The following ATXN10 variants were observed in gnomAD, a reference collection of about 807,000 sequenced individuals.
ATXN10 encodes the protein ataxin-10.
ATXN10 carries 28 observed loss-of-function variants against 52.9 expected under a neutral mutation model. The observed-to-expected ratio is 0.53, with a 90% confidence interval of 0.39 to 0.73. The LOEUF (loss-of-function observed/expected upper bound fraction) is 0.73. Among genes scored for constraint, ATXN10 ranks in the 30% least tolerant of loss-of-function variants. The pLI, the probability that ATXN10 is intolerant of heterozygous loss-of-function variation, is 0.00. For missense variants in ATXN10, 565 were observed against 577.0 expected, an observed-to-expected ratio of 0.98 and a Z score of 0.21; for synonymous variants, 226 against 221.5, an observed-to-expected ratio of 1.02 and a Z score of -0.18.
rs1929382296 is a variant in ATXN10, at chr22:45,842,573, T to C, written c.1238-418T>C. The stretch of plus-strand genomic sequence containing the variant: ...CTTTGTGACTGATTCTTTAGTGCTC[T>C]TCTTATTCTTTCCCTAGTGAGTCAG... On this transcript the variant is annotated intron_variant, in intron 10 of 11. Coordinates refer to ENST00000252934, the MANE Select transcript of ATXN10 (RefSeq NM_013236.4). This position sits in a 1 kb window ranked among gnomAD's most constrained non-coding sequence, Gnocchi z 4.8. Among the ~76,000 whole-genome samples, 1 of 152,212 alleles carries C rather than the reference T, an allele frequency of 6.6e-6. No individual in the cohort carries two copies. Among genetic ancestry groups the C allele is most frequent in the Non-Finnish European group, 1.5e-5 (1 of 68,038 alleles).
chr22:45,817,752 G>C (rs1250093699), intron 10 of ATXN10, among the ~76,000 whole-genome samples: 1 of 152,160 alleles, frequency 6.6e-6, no homozygotes, highest in Non-Finnish European at 1.5e-5. Context: ...GGTGAGCAGA[G>C]GCCTCCCAGG....
chr22:45,767,668 C>G (rs1333543471), intron 9 of ATXN10, among the ~76,000 whole-genome samples: 2 of 151,212 alleles, frequency 1.3e-5, no homozygotes, highest in East Asian at 3.9e-4. Flanking sequence ...CAAATACAAT[C>G]TCTTGAAAGA....
Position 45,718,337 on chromosome 22 carries a change from G to A in ATXN10, c.648-76G>A, listed in dbSNP as rs565312869. On this transcript the variant is annotated intron_variant, in intron 5 of 11. Coordinates refer to ENST00000252934, the MANE Select transcript of ATXN10 (RefSeq NM_013236.4). This position sits in a 1 kb window ranked among gnomAD's most constrained non-coding sequence, Gnocchi z 4.4. ...AGAAATGCTTTTGTGTGTAAGTGGT[G>A]CCTATAAAGTAGATAAGGGCATGTC... The A allele has an allele frequency of 5.8e-6, 6 of 1,043,270 alleles. No individual in the cohort carries two copies. In the African/African-American group the frequency reaches 7.8e-5, roughly 14 times the overall value. The allele number at this position is 1,043,270 out of a possible 1,614,324, so 64.6% of individuals were successfully genotyped here.
intron 9 of ATXN10, among the ~76,000 whole-genome samples, chr22:45,771,513 T>G (rs1926778477): frequency 6.7e-6 from 1 of 150,044 alleles, no homozygotes; most frequent in South Asian, 2.1e-4. Flanking sequence ...GCCTCCCGGG[T>G]TGAAGTGATT....
rs181353133 is a variant in ATXN10, at chr22:45,794,152, C to T, written c.1174-12807C>T. ...TGACATGACATATTGGTGGGTATGTCTTATAGAAAATGGCTTCCACCCCTG... is the reference window on the plus strand; with the variant it reads ...TGACATGACATATTGGTGGGTATGTTTTATAGAAAATGGCTTCCACCCCTG... On this transcript the variant is annotated intron_variant, in intron 9 of 11. Coordinates refer to ENST00000252934, the MANE Select transcript of ATXN10 (RefSeq NM_013236.4). 3.0e-4 allele frequency among the ~76,000 whole-genome samples: 45 copies of T among 152,262 alleles called. No homozygotes were observed. The East Asian group carries it at 8.5e-3, about 29-fold the overall frequency.
intron 6 of ATXN10, among the ~76,000 whole-genome samples, chr22:45,726,942 A>C (rs1441376443): frequency 6.6e-6 from 1 of 152,098 alleles, no homozygotes; most frequent in Non-Finnish European, 1.5e-5. Flanking sequence ...TTGCCTCCCA[A>C]AGTGTTGGGA....
chr22:45,733,016 G>A lies in ATXN10; in HGVS notation c.894+3426G>A, dbSNP rs1383482959. Among the ~76,000 whole-genome samples, 1 of 151,954 alleles carries A rather than the reference G, an allele frequency of 6.6e-6. No individual in the cohort carries two copies. Among genetic ancestry groups the A allele is most frequent in the Non-Finnish European group, 1.5e-5 (1 of 67,996 alleles). On this transcript the variant is annotated intron_variant, in intron 7 of 11. Transcript: ENST00000252934. This position sits in a 1 kb window ranked among gnomAD's most constrained non-coding sequence, Gnocchi z 4.4. ...ACGTTTCTTTATAAAAATAGTTTTG[G>A]GTTCTCATGTTAATGTACTTATTCC... is the stretch of plus-strand genomic sequence containing the variant.
chr22:45,757,702 G>C lies in ATXN10; in HGVS notation c.1173+17164G>C, dbSNP rs56357951. Among the ~76,000 whole-genome samples, 2,586 of 151,308 alleles carry C rather than the reference G, an allele frequency of 0.017. 84 individuals carry two copies. The highest frequency in any genetic ancestry group is 0.06 in the African/African-American group (2,474 of 41,210). On this transcript the variant is annotated intron_variant, in intron 9 of 11. Transcript: ENST00000252934. The surrounding 1 kb of genome is among the most constrained non-coding windows in gnomAD (Gnocchi z 4.6). ...GGATTCAATACATTTTTCATATGCT[G>C]ACCTTATAAGTCATATTGTTTTGAA...
At chr22:45,832,781 G>A (rs1235484522) in intron 10 of ATXN10, among the ~76,000 whole-genome samples, 2 of 152,206 alleles carry the variant, frequency 1.3e-5, no homozygotes, top group Non-Finnish European at 2.9e-5. Flanking sequence ...TAGAAAAGAG[G>A]AAAACAGTGT....
chr22:45,769,670 G>A lies in ATXN10; in HGVS notation c.1173+29132G>A, dbSNP rs886637382. On this transcript the variant is annotated intron_variant, in intron 9 of 11. Transcript: ENST00000252934. This position sits in a 1 kb window ranked among gnomAD's most constrained non-coding sequence, Gnocchi z 4.2. The stretch of plus-strand genomic sequence containing the variant: ...TGGTCAAGAAAAGAAGACCAAGGCC[G>A]ATTCCCTAGGACCTTGAAGCCAGCC... Among the ~76,000 whole-genome samples, 5 of 152,302 alleles carry A rather than the reference G, an allele frequency of 3.3e-5. No individual in the cohort carries two copies. Among genetic ancestry groups the A allele is most frequent in the South Asian group, 2.1e-4 (1 of 4,822 alleles).
chr22:45,714,218 CT>C (rs958400836), intron 5 of ATXN10, among the ~76,000 whole-genome samples: 1 of 151,674 alleles, frequency 6.6e-6, no homozygotes, highest in Admixed American at 6.6e-5. Flanking sequence ...GTTGGAGAAC[CT>C]TTTTTTTCTT....
At chr22:45,682,323 G>GTT (rs941492980) in intron 1 of ATXN10, among the ~76,000 whole-genome samples, 1 of 145,380 alleles carries the variant, frequency 6.9e-6, no homozygotes. Context: ...GGACTTCTTT[G>GTT]TTTTTTTTTT....
intron 1 of ATXN10, among the ~76,000 whole-genome samples, chr22:45,680,935 G>T (rs944022503): frequency 2.0e-5 from 3 of 152,144 alleles, no homozygotes; most frequent in African/African-American, 7.2e-5. Context: ...GTTCTTGAAA[G>T]TGGGAGGCTG....
intron 9 of ATXN10, among the ~76,000 whole-genome samples, chr22:45,753,082 A>C (rs1926042873): frequency 6.6e-6 from 1 of 151,892 alleles, no homozygotes; most frequent in African/African-American, 2.4e-5. Context: ...TGAGTCATTT[A>C]AGACACTTAT....
At chr22:45,710,867 T>C (rs1924218990) in intron 5 of ATXN10, among the ~76,000 whole-genome samples, 1 of 152,186 alleles carries the variant, frequency 6.6e-6, no homozygotes, top group Admixed American at 6.5e-5. Context: ...ATTTGTTGAA[T>C]AAGTCTGGTG....
Position 45,784,395 on chromosome 22 carries a change from G to T in ATXN10, c.1174-22564G>T, listed in dbSNP as rs763410584. ...ATACTTGGCACGTTTCCTTTCCCTC[G>T]CCTATTTCCCATTTTCAAGCAGAGC... On this transcript the variant is annotated intron_variant, in intron 9 of 11. Coordinates refer to ENST00000252934, the MANE Select transcript of ATXN10 (RefSeq NM_013236.4). The surrounding 1 kb of genome is among the most constrained non-coding windows in gnomAD (Gnocchi z 4.2). Among the ~76,000 whole-genome samples the T allele has an allele frequency of 6.6e-6, 1 of 152,036 alleles. No individual in the cohort carries two copies. Among genetic ancestry groups the T allele is most frequent in the Non-Finnish European group, 1.5e-5 (1 of 68,016 alleles).
chr22:45,689,989 T>G, intron 2 of ATXN10, 86 bp downstream of exon 2: 2 of 1,455,640 alleles, frequency 1.4e-6, no homozygotes, highest in Non-Finnish European at 1.9e-6. Flanking sequence ...GAAGTTGTTT[T>G]GGGCTGGGTA....
In ATXN10 at chr22:45,727,390, G is replaced by A. The variant is rs567189439; in HGVS notation, c.729-2035G>A. Reference sequence around the variant, plus strand: ...ATCTATCTATCTGAGACTGAGTCTCGCTCTGTTGCCCAGGCTGGGGTGCAG... The same window carrying A: ...ATCTATCTATCTGAGACTGAGTCTCACTCTGTTGCCCAGGCTGGGGTGCAG... On this transcript the variant is annotated intron_variant, in intron 6 of 11. Coordinates refer to ENST00000252934, the MANE Select transcript of ATXN10 (RefSeq NM_013236.4). The surrounding 1 kb of genome is among the most constrained non-coding windows in gnomAD (Gnocchi z 4.6). Among the ~76,000 whole-genome samples, 32 of 142,030 alleles carry A rather than the reference G, an allele frequency of 2.3e-4. No homozygotes were observed. Among genetic ancestry groups the A allele is most frequent in the Middle Eastern group, 7.0e-3 (2 of 286 alleles). 93.2% of individuals were successfully genotyped at this position (142,030 alleles called of 152,430 possible). A position where few individuals can be genotyped will look rare whatever the true frequency, so the allele number is the denominator to read the frequency against.
rs1926227455 is a variant in ATXN10, at chr22:45,757,746, G to A, written c.1173+17208G>A. 6.6e-6 allele frequency among the ~76,000 whole-genome samples: 1 copy of A among 152,080 alleles called. No homozygotes were observed. The highest frequency in any genetic ancestry group is 2.4e-5 in the African/African-American group (1 of 41,414). ...TTTTGAAATTATATTTATTAAAAATGTGATTAGAGTTATATTCATTCATGT... is the reference window on the plus strand; with the variant it reads ...TTTTGAAATTATATTTATTAAAAATATGATTAGAGTTATATTCATTCATGT... On this transcript the variant is annotated intron_variant, in intron 9 of 11. Transcript: ENST00000252934. This position sits in a 1 kb window ranked among gnomAD's most constrained non-coding sequence, Gnocchi z 4.6.
Sources: allele counts gnomAD v4.1 joint callset (sites outside exome capture counted in the v4.1 genomes callset), GRCh38; gene constraint gnomAD v4.1.1; non-coding constraint Gnocchi (gnomAD v3.1); transcripts MANE v1.5; gene names NCBI Gene and HGNC (gene_info 2026-07-23, HGNC 2026-07-21).